DTNB: variants seen among roughly 807,000 people sequenced by gnomAD.
The protein encoded by DTNB is dystrobrevin beta.
DTNB carries 63 observed loss-of-function variants against 90.7 expected under a neutral mutation model. That is an observed-to-expected ratio of 0.69 (90% CI 0.57 to 0.86). The LOEUF (loss-of-function observed/expected upper bound fraction) is 0.86, where lower values mean the gene tolerates loss of function less well. Ranked by LOEUF, DTNB falls within the 40% of genes least tolerant of loss-of-function variation. The pLI, the probability that DTNB is intolerant of heterozygous loss-of-function variation, is 0.00. For missense variants in DTNB, 744 were observed against 807.1 expected, an observed-to-expected ratio of 0.92 and a Z score of 0.95; for synonymous variants, 277 against 286.7, an observed-to-expected ratio of 0.97 and a Z score of 0.34.
chr2:25,386,324 C>T (rs1558293399), intron 18 of DTNB, among the ~76,000 whole-genome samples: 1 of 152,242 alleles, frequency 6.6e-6, no homozygotes, highest in Non-Finnish European at 1.5e-5. Flanking sequence ...GGCTTGCCTT[C>T]CCTAAGAGTG....
chr2:25,522,259 A>AC (rs1021985088), intron 9 of DTNB, among the ~76,000 whole-genome samples: 28 of 151,966 alleles, frequency 1.8e-4, no homozygotes, highest in South Asian at 4.2e-4. Context: ...TATTCTCACC[A>AC]CCCCCCAGAA....
intron 1 of DTNB, among the ~76,000 whole-genome samples, chr2:25,666,247 G>T (rs2084416022): frequency 1.3e-5 from 2 of 152,150 alleles, no homozygotes; most frequent in Admixed American, 6.5e-5. Flanking sequence ...AACTCAGAGA[G>T]ATCTGTCCTA....
chr2:25,556,618 G>A (rs1177157324), intron 8 of DTNB, among the ~76,000 whole-genome samples: 1 of 152,136 alleles, frequency 6.6e-6, no homozygotes. Context: ...AGACAAATAA[G>A]CAGATTCTAT....
At position 25,576,954 on chromosome 2, in the gene DTNB, A is replaced by C; in HGVS notation, c.760T>G (p.Phe254Val). 3 of 1,612,254 alleles carry C rather than the reference A, an allele frequency of 1.9e-6. No homozygotes were observed. Among genetic ancestry groups the C allele is most frequent in the Non-Finnish European group, 2.5e-6 (3 of 1,179,238 alleles). ...TGGCACTGCTGGCATCGGTACCGGA[A>C]ACCCATCATACTCTCACATCGGCAG... ...SYCRCESMMG[F>V]RYRCQQCHNY... The change falls in exon 8 of 21, where the codon TTC (phenylalanine) becomes GTC (valine). Residue 254 changes from phenylalanine to valine, a missense_variant. Phe to Val is a conservative substitution (Grantham distance 50). Coordinates refer to ENST00000406818, the MANE Select transcript of DTNB (RefSeq NM_021907.5).
chr2:25,594,763 C>T (rs930626170), intron 6 of DTNB: 8 of 152,210 alleles, frequency 5.3e-5, no homozygotes, highest in African/African-American at 1.9e-4. Flanking sequence ...CAAATGTTAA[C>T]ACTGCAGAAG....
At chr2:25,405,370 G>A (rs1161370831) in intron 16 of DTNB, among the ~76,000 whole-genome samples, 7 of 151,928 alleles carry the variant, frequency 4.6e-5, no homozygotes, top group African/African-American at 1.2e-4. Flanking sequence ...GTGAAACCCC[G>A]TCTCTACTAA....
intron 15 of DTNB, among the ~76,000 whole-genome samples, chr2:25,420,566 A>C (rs1217396522): frequency 1.3e-5 from 2 of 151,880 alleles, no homozygotes; most frequent in South Asian, 4.2e-4. Context: ...CCCAGGATGG[A>C]GTGCAATGGT....
rs1306268999 is a variant in DTNB at position 25,541,950 on chromosome 2, C to T, written c.877-10353G>A. On this transcript the variant is annotated intron_variant, in intron 8 of 20. Coordinates refer to ENST00000406818, the MANE Select transcript of DTNB (RefSeq NM_021907.5). The stretch of plus-strand genomic sequence containing the variant: ...TAAAAGTGGAGATAACAAGCCTTCT[C>T]GTTTTGTTTTCAATCTTAAACCTTT... Among the ~76,000 whole-genome samples, 3 of 152,108 alleles carry T rather than the reference C, an allele frequency of 2.0e-5. No homozygotes were observed. The East Asian group carries it at 5.8e-4, about 29-fold the overall frequency.
intron 1 of DTNB, among the ~76,000 whole-genome samples, chr2:25,669,510 T>A (rs1292330672): frequency 6.6e-6 from 1 of 152,086 alleles, no homozygotes; most frequent in Non-Finnish European, 1.5e-5. Flanking sequence ...TTAAGGGAAA[T>A]TTTTCATAAA....
At position 25,634,321 on chromosome 2, in the gene DTNB, CCGGGAGGGAGG is replaced by C. The variant is rs1323076750; in HGVS notation, c.148+4682_148+4692del. ...CCCCCCGCCCGGCCAGCCGCCCCGTCCGGGAGGGAGGTGGGGGGGTCAGCCCCCCGCCCGGC... is the reference window on the plus strand; with the variant it reads ...CCCCCCGCCCGGCCAGCCGCCCCGTCTGGGGGGGTCAGCCCCCCGCCCGGC... On this transcript the variant is annotated intron_variant, in intron 3 of 20. Coordinates refer to ENST00000406818, the MANE Select transcript of DTNB (RefSeq NM_021907.5). Among the ~76,000 whole-genome samples the C allele has an allele frequency of 4.5e-4, 61 of 137,016 alleles. 2 individuals carry two copies. The highest frequency in any genetic ancestry group is 1.5e-3 in the African/African-American group (56 of 38,032). 89.9% of individuals were successfully genotyped at this position (137,016 alleles called of 152,430 possible). A position where few individuals can be genotyped will look rare whatever the true frequency, so the allele number is the denominator to read the frequency against.
Position 25,424,561 on chromosome 2 carries a change from C to CA in DTNB, c.1554+2973dup. ...GTTTACATAAACCTTTTGCCTTTTACAAAAATCACACTGGGGCACTGGGAC... is the reference window on the plus strand; with the variant it reads ...GTTTACATAAACCTTTTGCCTTTTACAAAAAATCACACTGGGGCACTGGGAC... On this transcript the variant is annotated intron_variant, in intron 15 of 20. Coordinates refer to ENST00000406818, the MANE Select transcript of DTNB (RefSeq NM_021907.5). This position sits in a 1 kb window ranked among gnomAD's most constrained non-coding sequence, Gnocchi z 4.1. Among the ~76,000 whole-genome samples the CA allele has an allele frequency of 6.6e-6, 1 of 152,178 alleles. No individual in the cohort carries two copies. Among genetic ancestry groups the CA allele is most frequent in the South Asian group, 2.1e-4 (1 of 4,818 alleles).
chr2:25,495,533 T>C (rs1419341425), intron 9 of DTNB, among the ~76,000 whole-genome samples: 4 of 152,222 alleles, frequency 2.6e-5, no homozygotes, highest in Admixed American at 2.6e-4. Flanking sequence ...ATAATGCTGG[T>C]AAGCTGCAGC....
chr2:25,629,845 G>A (rs1025267702), intron 3 of DTNB, among the ~76,000 whole-genome samples: 4 of 152,032 alleles, frequency 2.6e-5, no homozygotes, highest in African/African-American at 9.7e-5. Context: ...TCAAGATCAG[G>A]AACAAGACAC....
intron 5 of DTNB, among the ~76,000 whole-genome samples, chr2:25,601,995 G>A (rs531990496): frequency 3.2e-4 from 48 of 152,236 alleles, no homozygotes; most frequent in Admixed American, 9.2e-4. Flanking sequence ...GGTGGCACAC[G>A]CCTGTAGTCC....
chr2:25,413,569 T>A (rs2047148055), intron 16 of DTNB, among the ~76,000 whole-genome samples: 1 of 152,166 alleles, frequency 6.6e-6, no homozygotes, highest in African/African-American at 2.4e-5. Flanking sequence ...TCCAGCTTCA[T>A]CCATGTCCCT....
rs557225669 is a variant in DTNB at position 25,659,947 on chromosome 2, A to G, written c.-1-7286T>C. 1.0e-3 allele frequency among the ~76,000 whole-genome samples: 156 copies of G among 152,330 alleles called. 1 individual carries two copies. The highest frequency in any genetic ancestry group is 1.7e-3 in the Non-Finnish European group (118 of 68,024). On this transcript the variant is annotated intron_variant, in intron 1 of 20. Transcript: ENST00000406818. ...CATGAACATTGTTCATTTTCACTGC[A>G]AAAGTCTTCAACGAAATATTAGCAA... is the stretch of plus-strand genomic sequence containing the variant.
At chr2:25,589,739 G>A (rs541798348) in intron 6 of DTNB, among the ~76,000 whole-genome samples, 10 of 152,218 alleles carry the variant, frequency 6.6e-5, no homozygotes, top group Admixed American at 2.6e-4. Context: ...TGAACTCTTC[G>A]AACTAAAGTC....
chr2:25,471,826 T>C (rs540647942), intron 10 of DTNB, among the ~76,000 whole-genome samples: 6 of 149,580 alleles, frequency 4.0e-5, no homozygotes, highest in Admixed American at 2.7e-4. Context: ...TCAATGAGGT[T>C]AAGGACCCGC....
chr2:25,561,251 C>T (rs2058218986), intron 8 of DTNB, among the ~76,000 whole-genome samples: 1 of 152,200 alleles, frequency 6.6e-6, no homozygotes, highest in African/African-American at 2.4e-5. Flanking sequence ...CAACACCCCC[C>T]TCCTTGCCAC....
Sources: gnomAD v4.1 joint callset for allele counts (sites outside exome capture counted in the v4.1 genomes callset) on GRCh38, gnomAD v4.1.1 for gene constraint, Gnocchi (gnomAD v3.1) non-coding constraint, MANE v1.5 for transcripts, NCBI Gene and HGNC (gene_info 2026-07-23, HGNC 2026-07-21) for gene names.